Variants in MMS22L observed in about 807,000 individuals in gnomAD.
MMS22L encodes protein MMS22-like.
MMS22L carries 74 observed loss-of-function variants against 159.1 expected under a neutral mutation model. The ratio of observed to expected loss-of-function variants is 0.47; its 90% CI spans 0.39 to 0.56. The LOEUF (loss-of-function observed/expected upper bound fraction) is 0.56. MMS22L is among the 20% of genes least tolerant of loss of function. MMS22L has a pLI of 0.00. For missense variants in MMS22L, 1,351 were observed against 1,422.1 expected (o/e 0.95, Z 0.80); for synonymous variants, 517 against 506.9 (o/e 1.02, Z -0.27).
At chr6:97,244,445 G>C (rs968908715) in intron 11 of MMS22L, among the ~76,000 whole-genome samples, 1 of 152,212 alleles carries the variant, frequency 6.6e-6, no homozygotes, top group African/African-American at 2.4e-5. Flanking sequence ...GTGTCTGTGA[G>C]GGTGCTGCCA....
At chr6:97,152,441 T>C (rs1405412568) in intron 22 of MMS22L, among the ~76,000 whole-genome samples, 1 of 152,156 alleles carries the variant, frequency 6.6e-6, no homozygotes, top group Non-Finnish European at 1.5e-5. Flanking sequence ...TCCTTTAAAA[T>C]TGTGTGCTTG....
chr6:97,176,260 G>A (rs1804101566), intron 18 of MMS22L, among the ~76,000 whole-genome samples: 1 of 151,994 alleles, frequency 6.6e-6, no homozygotes, highest in Non-Finnish European at 1.5e-5. Flanking sequence ...TTTTGAGCAG[G>A]TGGTATCAGT....
At chr6:97,233,793 A>G in intron 12 of MMS22L, 68 bp downstream of exon 12, 3 of 1,494,746 alleles carry the variant, frequency 2.0e-6, no homozygotes, top group East Asian at 2.4e-5. Flanking sequence ...ATTAAACCAT[A>G]AAGACATTCC....
At chr6:97,234,064 C>T (rs1220649345) in intron 11 of MMS22L, 84 bp from the exon 12 acceptor site, 3 of 1,422,294 alleles carry the variant, frequency 2.1e-6, no homozygotes, top group East Asian at 4.9e-5. Context: ...TGTATATAAC[C>T]TGCAGCTAAA....
Position 97,229,085 on chromosome 6 carries a change from C to T in MMS22L, c.1848G>A (p.Gln616=), listed in dbSNP as rs1293700306. Residue 616 remains glutamine (Q), a synonymous_variant, in exon 14 of 25, where the codon CAG becomes CAA. Coordinates refer to ENST00000683635, the MANE Select transcript of MMS22L (RefSeq NM_001350599.2). ...FLVSKNEEMV[Q]RQTIWTLLSI... ...AAAGAAGGGTCCAGATAGTCTGTCT[C>T]TGTACCATTTCCTCATTCTTAGACA... is the stretch of plus-strand genomic sequence containing the variant. 1 of 1,614,048 alleles carries T rather than the reference C, an allele frequency of 6.2e-7. No homozygotes were observed. Among genetic ancestry groups the T allele is most frequent in the African/African-American group, 1.3e-5 (1 of 74,938 alleles).
At chr6:97,152,484 G>T (rs1473735087) in intron 22 of MMS22L, among the ~76,000 whole-genome samples, 1 of 148,934 alleles carries the variant, frequency 6.7e-6, no homozygotes, top group Non-Finnish European at 1.5e-5. Flanking sequence ...ACCAAGAAAG[G>T]ATGTAGAAAA....
At chr6:97,262,149 T>A (rs984998743) in intron 9 of MMS22L, among the ~76,000 whole-genome samples, 6 of 152,180 alleles carry the variant, frequency 3.9e-5, no homozygotes, top group African/African-American at 1.4e-4. Context: ...AACTCTGAAC[T>A]TTATCTTCTA....
chr6:97,263,244 A>G (rs956268339), intron 9 of MMS22L, 91 bp downstream of exon 9: 15 of 771,548 alleles, frequency 1.9e-5, no homozygotes, highest in Admixed American at 1.1e-4. Context: ...ATTATAAAAA[A>G]GGAAGTTAAG....
rs953827339 is a variant in MMS22L, at chr6:97,243,815, G to A, written c.1182+2813C>T. 3.3e-5 allele frequency among the ~76,000 whole-genome samples: 5 copies of A among 152,114 alleles called. No individual in the cohort carries two copies. The South Asian group carries it at 1.0e-3, about 31-fold the overall frequency. ...CCCCCTTCCTGAGAGCCAGACTGCAGTGATTGTTATTGCTCTTCTGGGTCT... is the reference window on the plus strand; with the variant it reads ...CCCCCTTCCTGAGAGCCAGACTGCAATGATTGTTATTGCTCTTCTGGGTCT... On this transcript the variant is annotated intron_variant, in intron 11 of 24. Transcript: ENST00000683635.
At chr6:97,173,885 A>C (rs982201874) in intron 18 of MMS22L, among the ~76,000 whole-genome samples, 18 of 152,042 alleles carry the variant, frequency 1.2e-4, no homozygotes, top group Non-Finnish European at 2.1e-4. Context: ...AAATTGAGGA[A>C]AGGTTAGAAT....
chr6:97,166,011 A>C (rs1047783182), intron 20 of MMS22L, among the ~76,000 whole-genome samples: 1 of 152,132 alleles, frequency 6.6e-6, no homozygotes, highest in South Asian at 2.1e-4. Context: ...TCACTATTTC[A>C]TTTAAATTTC....
intron 14 of MMS22L, among the ~76,000 whole-genome samples, chr6:97,194,391 C>T (rs1806246402): frequency 6.6e-6 from 1 of 152,178 alleles, no homozygotes; most frequent in South Asian, 2.1e-4. Flanking sequence ...ATGCTGCTAT[C>T]CTATGGTGCA....
chr6:97,172,992 C>G, intron 19 of MMS22L, 71 bp downstream of exon 19: 1 of 1,449,460 alleles, frequency 6.9e-7, no homozygotes, highest in Non-Finnish European at 9.4e-7. Flanking sequence ...CCAATATATA[C>G]CTATCCATCA....
intron 10 of MMS22L, among the ~76,000 whole-genome samples, chr6:97,249,069 G>C (rs928473253): frequency 3.9e-5 from 6 of 152,108 alleles, no homozygotes; most frequent in Non-Finnish European, 8.8e-5. Flanking sequence ...ATAGTCTCAG[G>C]CTGGGGGCTT....
At chr6:97,197,654 T>C (rs146164861) in intron 14 of MMS22L, among the ~76,000 whole-genome samples, 6 of 152,288 alleles carry the variant, frequency 3.9e-5, no homozygotes, top group African/African-American at 1.4e-4. Context: ...CTAGATCTTA[T>C]CCAAAATGTT....
intron 3 of MMS22L, among the ~76,000 whole-genome samples, chr6:97,280,544 G>C (rs905030463): frequency 4.6e-5 from 7 of 152,080 alleles, no homozygotes; most frequent in Non-Finnish European, 8.8e-5. Flanking sequence ...TGTTGGTCAG[G>C]CTGGTCTCGA....
At chr6:97,275,083 T>G (rs1816124376) in intron 4 of MMS22L, among the ~76,000 whole-genome samples, 1 of 152,132 alleles carries the variant, frequency 6.6e-6, no homozygotes, top group African/African-American at 2.4e-5. Flanking sequence ...AACATCTAGT[T>G]TAAGGAATAA....
chr6:97,260,415 A>AT (rs1814334707), intron 9 of MMS22L: 1 of 151,754 alleles, frequency 6.6e-6, no homozygotes, highest in South Asian at 2.1e-4. Context: ...CCCTTATTAA[A>AT]TTTTCATTTA....
At chr6:97,258,267 T>A (rs1038955706) in intron 9 of MMS22L, among the ~76,000 whole-genome samples, 1 of 152,240 alleles carries the variant, frequency 6.6e-6, no homozygotes, top group Non-Finnish European at 1.5e-5. Context: ...GACTCTCATG[T>A]CCTTCTGACA....
Sources: gnomAD v4.1 joint callset for allele counts (sites outside exome capture counted in the v4.1 genomes callset) on GRCh38, gnomAD v4.1.1 for gene constraint, MANE v1.5 for transcripts, NCBI Gene and HGNC (gene_info 2026-07-23, HGNC 2026-07-21) for gene names.